Variants in DLGAP2 observed in about 807,000 individuals in gnomAD.
DLGAP2 encodes DLG associated protein 2, also known as disks large-associated protein 2.
Under a neutral mutation model 100.3 loss-of-function variants are expected in DLGAP2, and 26 were observed. The observed-to-expected ratio is 0.26, with a 90% CI of 0.19 to 0.36. The LOEUF (loss-of-function observed/expected upper bound fraction) is 0.36, where lower values mean the gene tolerates loss of function less well. Ranked by LOEUF, DLGAP2 falls within the 10% of genes least tolerant of loss-of-function variation. The pLI is 1.00. For synonymous variants in DLGAP2, 886 were observed against 630.1 expected (o/e 1.41, Z -6.08); for missense variants, 1,858 against 1,453.2 (o/e 1.28, Z -4.53).
chr8:1,570,539 G>A (rs896207609), intron 6 of DLGAP2, among the ~76,000 whole-genome samples: 1 of 152,252 alleles, frequency 6.6e-6, no homozygotes, highest in African/African-American at 2.4e-5. Context: ...GCTTTGAGAA[G>A]GCTCAGTTGG....
At chr8:988,993 A>G (rs1460305386) in intron 2 of DLGAP2, among the ~76,000 whole-genome samples, 1 of 152,038 alleles carries the variant, frequency 6.6e-6, no homozygotes, top group Non-Finnish European at 1.5e-5. Flanking sequence ...CGCTGCCTGC[A>G]CTGCCTCCGC....
chr8:1,335,813 C>G (rs540716383), intron 3 of DLGAP2, among the ~76,000 whole-genome samples: 22 of 152,300 alleles, frequency 1.4e-4, no homozygotes, highest in African/African-American at 4.8e-4. Flanking sequence ...TGCAATAAAA[C>G]AAGTTTCAGA....
At chr8:1,538,566 T>C (rs1252254283) in intron 4 of DLGAP2, among the ~76,000 whole-genome samples, 1 of 152,222 alleles carries the variant, frequency 6.6e-6, no homozygotes, top group Non-Finnish European at 1.5e-5. Flanking sequence ...GCGCATTCTG[T>C]GCAGGTACAG....
intron 2 of DLGAP2, among the ~76,000 whole-genome samples, chr8:1,083,296 A>G (rs892924448): frequency 2.6e-5 from 4 of 152,240 alleles, no homozygotes; most frequent in African/African-American, 9.6e-5. Flanking sequence ...AGCGTGGGAC[A>G]TGAGCTTTGC....
chr8:771,533 C>G (rs1026935268), intron 1 of DLGAP2, among the ~76,000 whole-genome samples: 2 of 152,234 alleles, frequency 1.3e-5, no homozygotes, highest in Non-Finnish European at 2.9e-5. Flanking sequence ...TTGTTTCACA[C>G]CCAAAATTTG....
At chr8:1,277,626 C>A (rs1799729827) in intron 3 of DLGAP2, among the ~76,000 whole-genome samples, 1 of 152,196 alleles carries the variant, frequency 6.6e-6, no homozygotes, top group African/African-American at 2.4e-5. Context: ...ATCGAAGTAT[C>A]AGCCAGGCAG....
chr8:1,220,767 T>C (rs1798300250), intron 2 of DLGAP2, among the ~76,000 whole-genome samples: 1 of 152,260 alleles, frequency 6.6e-6, no homozygotes, highest in South Asian at 2.1e-4. Flanking sequence ...GAAATTCTTT[T>C]ATGAATCTGG....
chr8:743,737 G>T (rs939423770), intron 1 of DLGAP2, among the ~76,000 whole-genome samples: 11 of 152,114 alleles, frequency 7.2e-5, no homozygotes, highest in Admixed American at 3.9e-4. Flanking sequence ...CTAATTTTTT[G>T]TATTTTTAGT....
intron 4 of DLGAP2, among the ~76,000 whole-genome samples, chr8:1,544,706 C>T (rs1414299072): frequency 6.6e-6 from 1 of 151,030 alleles, no homozygotes; most frequent in Non-Finnish European, 1.5e-5. Context: ...TCATATGCTG[C>T]TATATTTGAT....
chr8:770,886 A>G (rs1278070289), intron 1 of DLGAP2, among the ~76,000 whole-genome samples: 1 of 145,448 alleles, frequency 6.9e-6, no homozygotes, highest in African/African-American at 2.5e-5. Flanking sequence ...TTTTTTTTTT[A>G]AAGTAGAAGG....
chr8:1,367,124 G>T (rs779061080), intron 3 of DLGAP2, among the ~76,000 whole-genome samples: 2 of 152,170 alleles, frequency 1.3e-5, no homozygotes, highest in African/African-American at 4.8e-5. Flanking sequence ...CACAGACCCC[G>T]GTGACTATAT....
At chr8:1,532,845 G>T (rs992548540) in intron 4 of DLGAP2, among the ~76,000 whole-genome samples, 2 of 152,076 alleles carry the variant, frequency 1.3e-5, no homozygotes, top group Admixed American at 1.3e-4. Context: ...TCACAAAAAG[G>T]CTCTTCCTAG....
intron 2 of DLGAP2, among the ~76,000 whole-genome samples, chr8:949,808 G>A (rs1799430585): frequency 6.6e-6 from 1 of 152,188 alleles, no homozygotes; most frequent in Non-Finnish European, 1.5e-5. Context: ...CGCAGGTCAC[G>A]CGGGCCCTCC....
intron 2 of DLGAP2, among the ~76,000 whole-genome samples, chr8:1,128,416 A>G (rs1413952992): frequency 1.3e-5 from 2 of 152,236 alleles, no homozygotes; most frequent in Non-Finnish European, 2.9e-5. Context: ...GGAATTATAC[A>G]GCCCAGTCCT....
chr8:1,579,179 C>G (rs1485652882), intron 6 of DLGAP2, among the ~76,000 whole-genome samples: 2 of 151,910 alleles, frequency 1.3e-5, no homozygotes, highest in African/African-American at 4.8e-5. Context: ...TTTTGAATGT[C>G]TCTGGGTCAT....
intron 2 of DLGAP2, among the ~76,000 whole-genome samples, chr8:1,052,312 T>C (rs1333805060): frequency 6.6e-6 from 1 of 152,204 alleles, no homozygotes; most frequent in East Asian, 1.9e-4. Context: ...ATACTTTACA[T>C]GCAAAACCAT....
At chr8:1,645,230 G>A (rs35462130) in intron 8 of DLGAP2, among the ~76,000 whole-genome samples, 31,569 of 152,154 alleles carry the variant, frequency 0.21, 3,446 homozygotes, top group Middle Eastern at 0.4. Flanking sequence ...TTATAATAGC[G>A]TGAAAATCAT....
chr8:1,171,079 G>T (rs1173640178), intron 2 of DLGAP2, among the ~76,000 whole-genome samples: 1 of 151,948 alleles, frequency 6.6e-6, no homozygotes, highest in Non-Finnish European at 1.5e-5. Context: ...CTGGTATGTT[G>T]TGTCTTTGTT....
At chr8:1,345,410 C>T (rs993250201) in intron 3 of DLGAP2, among the ~76,000 whole-genome samples, 9 of 152,166 alleles carry the variant, frequency 5.9e-5, no homozygotes, top group African/African-American at 9.6e-5. Flanking sequence ...CCATTTTGCC[C>T]GAGTTGCCAA....
Sources: gnomAD v4.1 joint callset for allele counts (sites outside exome capture counted in the v4.1 genomes callset) on GRCh38, gnomAD v4.1.1 for gene constraint, MANE v1.5 for transcripts, NCBI Gene and HGNC (gene_info 2026-07-23, HGNC 2026-07-21) for gene names.